The following NARS2 variants were observed in gnomAD, a reference collection of about 807,000 sequenced individuals.
The protein encoded by NARS2 is asparaginyl-tRNA synthetase 2, mitochondrial.
Under a neutral mutation model 62.9 loss-of-function variants are expected in NARS2, and 60 were observed. That is an observed-to-expected ratio of 0.95 (90% CI 0.77 to 1.18). The LOEUF (loss-of-function observed/expected upper bound fraction) is 1.18, where lower values mean the gene tolerates loss of function less well. Among genes scored for constraint, NARS2 ranks in the 50% most tolerant of loss-of-function variants. The pLI is 0.00. For missense variants in NARS2, 619 were observed against 576.4 expected, an observed-to-expected ratio of 1.07 and a Z score of -0.76; for synonymous variants, 196 against 200.0, an observed-to-expected ratio of 0.98 and a Z score of 0.17.
intron 5 of NARS2, among the ~76,000 whole-genome samples, chr11:78,542,766 G>A (rs1216754424): frequency 6.6e-6 from 1 of 152,174 alleles, no homozygotes; most frequent in Non-Finnish European, 1.5e-5. Flanking sequence ...GGGTGTGGTG[G>A]TGCGCACCTG....
intron 6 of NARS2, among the ~76,000 whole-genome samples, chr11:78,509,225 A>G (rs942875203): frequency 2.6e-5 from 4 of 152,164 alleles, no homozygotes; most frequent in Non-Finnish European, 4.4e-5. Context: ...AAAAAATCTT[A>G]TATTTGGCAA....
intron 11 of NARS2, among the ~76,000 whole-genome samples, chr11:78,459,249 GTTTTT>G (rs376715938): frequency 7.0e-6 from 1 of 143,128 alleles, no homozygotes; most frequent in South Asian, 2.2e-4. Flanking sequence ...TTTTGTCGTT[GTTTTT>G]TTTTTGTTTT....
chr11:78,460,956 C>A (rs942565382), intron 11 of NARS2, among the ~76,000 whole-genome samples: 6 of 152,260 alleles, frequency 3.9e-5, no homozygotes, highest in Middle Eastern at 3.4e-3. Context: ...ACTATTTACA[C>A]AGCATTTACA....
chr11:78,549,401 T>C (rs1856007281), intron 5 of NARS2, among the ~76,000 whole-genome samples: 1 of 152,098 alleles, frequency 6.6e-6, no homozygotes, highest in South Asian at 2.1e-4. Flanking sequence ...GCTCCAAATC[T>C]TTACCCAAAG....
intron 11 of NARS2, among the ~76,000 whole-genome samples, chr11:78,465,044 C>T (rs2135209646): frequency 6.6e-6 from 1 of 152,332 alleles, no homozygotes; most frequent in African/African-American, 2.4e-5. Context: ...AGGGAGGCTT[C>T]AGCGACACAG....
At chr11:78,555,930 A>G (rs1856335445) in intron 5 of NARS2, among the ~76,000 whole-genome samples, 1 of 152,036 alleles carries the variant, frequency 6.6e-6, no homozygotes, top group African/African-American at 2.4e-5. Context: ...TCTTAAATTC[A>G]TTATTTACCC....
chr11:78,502,478 A>T (rs573652887), intron 6 of NARS2, among the ~76,000 whole-genome samples: 1 of 152,314 alleles, frequency 6.6e-6, no homozygotes, highest in East Asian at 1.9e-4. Flanking sequence ...TTTTAACAGT[A>T]CTATCTTCAA....
chr11:78,470,086 G>GAAC (rs2135230545), intron 9 of NARS2, among the ~76,000 whole-genome samples: 1 of 152,268 alleles, frequency 6.6e-6, no homozygotes, highest in East Asian at 1.9e-4. Context: ...AGAGCATACT[G>GAAC]AACAAGAGGA....
At chr11:78,461,560 A>G (rs1369742086) in intron 11 of NARS2, among the ~76,000 whole-genome samples, 1 of 150,202 alleles carries the variant, frequency 6.7e-6, no homozygotes, top group South Asian at 2.1e-4. Context: ...TGGAAACTAC[A>G]AAGAAGTAGG....
chr11:78,471,869 A>G (rs1010268800), intron 9 of NARS2, among the ~76,000 whole-genome samples: 1 of 152,194 alleles, frequency 6.6e-6, no homozygotes, highest in Non-Finnish European at 1.5e-5. Context: ...TGAACTCATC[A>G]TTTTTTATGG....
chr11:78,528,769 T>G (rs1861381717), intron 6 of NARS2, 73 bp downstream of exon 6: 3 of 960,340 alleles, frequency 3.1e-6, no homozygotes, highest in South Asian at 1.4e-5. Context: ...CTTTTAGGTT[T>G]GAGCATGGGA....
chr11:78,460,005 A>C (rs746754666), intron 11 of NARS2, among the ~76,000 whole-genome samples: 7 of 152,150 alleles, frequency 4.6e-5, no homozygotes, highest in Non-Finnish European at 7.3e-5. Context: ...AAGCAAAATT[A>C]TTTAGATGAA....
At chr11:78,537,806 A>G (rs996951762) in intron 5 of NARS2, among the ~76,000 whole-genome samples, 2 of 152,208 alleles carry the variant, frequency 1.3e-5, no homozygotes, top group South Asian at 4.1e-4. Flanking sequence ...CCTAATACGT[A>G]CGTACATACA....
rs189166977 is a variant in NARS2 at position 78,469,440 on chromosome 11, G to A, written c.960-127C>T. 1.5e-3 allele frequency: 997 copies of A among 678,082 alleles called. 2 individuals are homozygous for A. Among genetic ancestry groups the A allele is most frequent in the Middle Eastern group, 4.0e-3 (15 of 3,726 alleles). The allele number at this position is 678,082 out of a possible 1,614,324, so 42.0% of individuals were successfully genotyped here. ...AGGTCATGAATAATCAGGAATTAAG[G>A]CTGATCTAATCCTATGAAAGAATGA... is the stretch of plus-strand genomic sequence containing the variant. On this transcript the variant is annotated intron_variant, in intron 9 of 13. Transcript: ENST00000281038.
In NARS2 at chr11:78,494,992, G is replaced by A. The variant is rs901634884; in HGVS notation, c.690-1797C>T. ...ACACCTTGGAAAACTCTGAAATCTC[G>A]CAGCTTTTCTCTATCTCCACAGCTA... On this transcript the variant is annotated intron_variant, in intron 6 of 13. Coordinates refer to ENST00000281038, the MANE Select transcript of NARS2 (RefSeq NM_024678.6). Among the ~76,000 whole-genome samples, 4 of 152,142 alleles carry A rather than the reference G, an allele frequency of 2.6e-5. No homozygotes were observed. In the East Asian group the frequency reaches 5.8e-4, roughly 22 times the overall value.
At chr11:78,449,478 T>C (rs1484490688) in intron 11 of NARS2, among the ~76,000 whole-genome samples, 1 of 151,994 alleles carries the variant, frequency 6.6e-6, no homozygotes. Flanking sequence ...GATAGCTACG[T>C]TAAAAAAAAA....
chr11:78,481,543 T>C (rs916522980), intron 7 of NARS2, among the ~76,000 whole-genome samples: 1 of 152,164 alleles, frequency 6.6e-6, no homozygotes, highest in Non-Finnish European at 1.5e-5. Flanking sequence ...TCATTGTCTT[T>C]CCTGAGAAGT....
In NARS2 at chr11:78,471,804, G is replaced by A. The variant is rs186191732; in HGVS notation, c.960-2491C>T. Reference sequence around the variant, plus strand: ...GCGGTGTTTGGTTTTTTGTTCTTGCGATAGTTTACTGAGAATGATGATTTC... The same window carrying A: ...GCGGTGTTTGGTTTTTTGTTCTTGCAATAGTTTACTGAGAATGATGATTTC... On this transcript the variant is annotated intron_variant, in intron 9 of 13. Transcript: ENST00000281038. 5.3e-3 allele frequency among the ~76,000 whole-genome samples: 801 copies of A among 151,178 alleles called. 15 individuals carry two copies. Among genetic ancestry groups the A allele is most frequent in the East Asian group, 0.029 (147 of 5,110 alleles).
intron 6 of NARS2, among the ~76,000 whole-genome samples, chr11:78,502,198 G>A (rs1372911686): frequency 1.3e-5 from 2 of 152,152 alleles, no homozygotes; most frequent in African/African-American, 2.4e-5. Flanking sequence ...TATTTTACAT[G>A]AGTTGTTATA....
Sources: allele counts gnomAD v4.1 joint callset (sites outside exome capture counted in the v4.1 genomes callset), GRCh38; gene constraint gnomAD v4.1.1; transcripts MANE v1.5; gene names NCBI Gene and HGNC (gene_info 2026-07-23, HGNC 2026-07-21).